The following LUZP2 variants were observed in gnomAD, a reference collection of about 807,000 sequenced individuals.
LUZP2 encodes leucine zipper protein 2.
LUZP2 carries 52 observed loss-of-function variants against 51.6 expected under a neutral mutation model. That is an observed-to-expected ratio of 1.01 (90% CI 0.81 to 1.27). LUZP2 has a LOEUF of 1.27. Ranked by LOEUF, LUZP2 falls within the 50% of genes most tolerant of loss-of-function variation. The pLI is 0.00. For synonymous variants in LUZP2, 154 were observed against 137.3 expected, an observed-to-expected ratio of 1.12 and a Z score of -0.85; for missense variants, 436 against 395.4, an observed-to-expected ratio of 1.10 and a Z score of -0.87.
At chr11:24,797,663 C>T (rs1336786655) in intron 5 of LUZP2, among the ~76,000 whole-genome samples, 3 of 152,138 alleles carry the variant, frequency 2.0e-5, no homozygotes, top group Non-Finnish European at 2.9e-5. Flanking sequence ...TCTATTCATA[C>T]AGGATAACTT....
chr11:25,003,088 C>T (rs1255092226), intron 9 of LUZP2, among the ~76,000 whole-genome samples: 3 of 152,198 alleles, frequency 2.0e-5, no homozygotes, highest in African/African-American at 4.8e-5. Flanking sequence ...GTAGGCAAAG[C>T]TGGGCCTTCA....
chr11:25,038,959 T>C (rs538253962), intron 9 of LUZP2, among the ~76,000 whole-genome samples: 2 of 152,282 alleles, frequency 1.3e-5, no homozygotes, highest in South Asian at 4.1e-4. Flanking sequence ...TAGAGGATAC[T>C]TGAGAGCAAT....
chr11:24,924,755 A>T (rs374364639), intron 7 of LUZP2, among the ~76,000 whole-genome samples: 1 of 152,170 alleles, frequency 6.6e-6, no homozygotes, highest in African/African-American at 2.4e-5. Context: ...GAAAGGTGGA[A>T]CAACTTGAAG....
At chr11:24,873,121 C>T (rs758744544) in intron 5 of LUZP2, among the ~76,000 whole-genome samples, 1 of 152,148 alleles carries the variant, frequency 6.6e-6, no homozygotes, top group Non-Finnish European at 1.5e-5. Flanking sequence ...CATTCACAGA[C>T]TCTAATGCTT....
Position 25,050,107 on chromosome 11 carries a change from A to AAAT in LUZP2, c.835_836insAAT (p.Thr279delinsLysSer). ...GTCAACAAAGGAAGGAAATCCAAGT[A>AAAT]CCACTGCCTGTGACTCTCAAGATGT... On this transcript the variant is annotated protein_altering_variant, in exon 10 of 12. Coordinates refer to ENST00000336930, the MANE Select transcript of LUZP2 (RefSeq NM_001009909.4). 6.2e-7 allele frequency: 1 copy of AAAT among 1,601,176 alleles called. No individual in the cohort carries two copies. Among genetic ancestry groups the AAAT allele is most frequent in the Non-Finnish European group, 8.5e-7 (1 of 1,173,104 alleles).
At chr11:24,625,485 T>C (rs1854645050) in intron 1 of LUZP2, among the ~76,000 whole-genome samples, 1 of 152,236 alleles carries the variant, frequency 6.6e-6, no homozygotes, top group East Asian at 1.9e-4. Flanking sequence ...TATTACTATG[T>C]ATACATATAA....
At chr11:24,733,754 T>TA (rs1858818937) in intron 3 of LUZP2, among the ~76,000 whole-genome samples, 4 of 149,748 alleles carry the variant, frequency 2.7e-5, no homozygotes, top group African/African-American at 4.9e-5. Context: ...AAAAAAAATT[T>TA]TAAAAAAACC....
intron 1 of LUZP2, among the ~76,000 whole-genome samples, chr11:24,590,991 C>T (rs1853238846): frequency 6.6e-6 from 1 of 152,162 alleles, no homozygotes; most frequent in Non-Finnish European, 1.5e-5. Context: ...CACACCTGTA[C>T]TCCCAGTGCT....
chr11:24,519,491 T>C (rs1327902266), intron 1 of LUZP2, among the ~76,000 whole-genome samples: 3 of 152,162 alleles, frequency 2.0e-5, no homozygotes, highest in African/African-American at 7.2e-5. Context: ...TTGAAGAAAA[T>C]AAGTATGAGA....
At chr11:25,026,613 C>T (rs1035107397) in intron 9 of LUZP2, among the ~76,000 whole-genome samples, 4 of 151,864 alleles carry the variant, frequency 2.6e-5, no homozygotes, top group African/African-American at 9.7e-5. Context: ...TGTGTGGCCT[C>T]TATTATTTAC....
intron 7 of LUZP2, among the ~76,000 whole-genome samples, chr11:24,948,582 TATC>T (rs1484545607): frequency 6.6e-6 from 1 of 151,674 alleles, no homozygotes; most frequent in African/African-American, 2.4e-5. Flanking sequence ...AGGCTAAAGT[TATC>T]ATTGTTGTTG....
intron 5 of LUZP2, among the ~76,000 whole-genome samples, chr11:24,858,011 A>C (rs1851623002): frequency 6.6e-6 from 1 of 151,536 alleles, no homozygotes; most frequent in Non-Finnish European, 1.5e-5. Flanking sequence ...TCTTTTTTTT[A>C]TTTTTTAATC....
intron 9 of LUZP2, among the ~76,000 whole-genome samples, chr11:24,987,299 A>G (rs1856215117): frequency 6.6e-6 from 1 of 151,942 alleles, no homozygotes; most frequent in Admixed American, 6.6e-5. Flanking sequence ...GAATACATTA[A>G]TTCAAATAAG....
intron 1 of LUZP2, among the ~76,000 whole-genome samples, chr11:24,517,348 T>C (rs934009031): frequency 6.6e-6 from 1 of 151,282 alleles, no homozygotes; most frequent in Non-Finnish European, 1.5e-5. Context: ...TAGCTGGGCG[T>C]GGTGGCGGGT....
intron 9 of LUZP2, among the ~76,000 whole-genome samples, chr11:25,036,417 A>T (rs1857863312): frequency 6.6e-6 from 1 of 151,984 alleles, no homozygotes; most frequent in South Asian, 2.1e-4. Context: ...TTTTTGAAGA[A>T]CCAACTCGGT....
intron 4 of LUZP2, among the ~76,000 whole-genome samples, chr11:24,746,030 T>C (rs1201553897): frequency 1.3e-5 from 2 of 152,198 alleles, no homozygotes; most frequent in Admixed American, 6.5e-5. Context: ...ATTTAGGCCA[T>C]TTACCATCAA....
At chr11:24,729,772 G>T (rs1402209491) in intron 2 of LUZP2, among the ~76,000 whole-genome samples, 3 of 151,760 alleles carry the variant, frequency 2.0e-5, no homozygotes, top group Admixed American at 6.6e-5. Flanking sequence ...GGTAAAAATA[G>T]TTTCATAAAT....
intron 7 of LUZP2, among the ~76,000 whole-genome samples, chr11:24,935,812 T>A (rs1446811690): frequency 6.6e-6 from 1 of 152,164 alleles, no homozygotes; most frequent in Non-Finnish European, 1.5e-5. Context: ...TTGGAAAGAA[T>A]GGTAAAATGG....
intron 9 of LUZP2, among the ~76,000 whole-genome samples, chr11:25,016,637 G>A (rs200399393): frequency 2.4e-5 from 3 of 123,398 alleles, no homozygotes; most frequent in Non-Finnish European, 5.7e-5. Context: ...GTGTGTTTGT[G>A]TCTGTGTGTA....
Sources: allele counts gnomAD v4.1 joint callset (sites outside exome capture counted in the v4.1 genomes callset), GRCh38; gene constraint gnomAD v4.1.1; transcripts MANE v1.5; gene names NCBI Gene and HGNC (gene_info 2026-07-23, HGNC 2026-07-21).